The following EHD3 variants were observed in gnomAD, a reference collection of about 807,000 sequenced individuals.
The protein encoded by EHD3 is EH domain containing 3.
EHD3 carries 17 observed loss-of-function variants against 43.0 expected under a neutral mutation model. The observed-to-expected ratio is 0.40, with a 90% confidence interval of 0.27 to 0.59. The LOEUF is 0.59. EHD3 is among the 20% of genes least tolerant of loss of function. The pLI is 0.49. For missense variants in EHD3, 594 were observed against 705.6 expected (o/e 0.84, Z 1.79); for synonymous variants, 313 against 289.5 (o/e 1.08, Z -0.82).
chr2:31,268,797 G>A lies in EHD3; in HGVS notation c.*2093G>A, dbSNP rs1163366699. ...CTTTCTTCAAGCTGAAGGAGAAATG[G>A]GAAGGAAATAGCAGAGGTAGGTGAA... On this transcript the variant is annotated 3_prime_UTR_variant, in exon 6 of 6. Transcript: ENST00000322054. 1.3e-5 allele frequency: 2 copies of A among 152,214 alleles called. No individual in the cohort carries two copies. The highest frequency in any genetic ancestry group is 4.8e-5 in the African/African-American group (2 of 41,438). 9.4% of individuals were successfully genotyped at this position (152,214 alleles called of 1,614,324 possible).
chr2:31,258,378 G>T (rs950229732), intron 3 of EHD3, among the ~76,000 whole-genome samples: 5 of 152,124 alleles, frequency 3.3e-5, no homozygotes, highest in Non-Finnish European at 7.4e-5. Context: ...ACCCCACTGG[G>T]TGTTCACTAG....
intron 2 of EHD3, among the ~76,000 whole-genome samples, chr2:31,245,932 G>A (rs923816666): frequency 2.6e-5 from 4 of 151,892 alleles, no homozygotes; most frequent in African/African-American, 9.7e-5. Context: ...CTTTCTTGTA[G>A]TGGCATGGAG....
intron 5 of EHD3, 25 bp downstream of exon 5, chr2:31,261,738 A>G (rs1311506876): frequency 6.2e-6 from 10 of 1,611,598 alleles, no homozygotes; most frequent in Non-Finnish European, 7.6e-6. Flanking sequence ...GGTCTCTAAG[A>G]CAAGGGACAG....
chr2:31,261,845 G>C, intron 5 of EHD3, 132 bp downstream of exon 5: 14 of 963,996 alleles, frequency 1.5e-5, no homozygotes, highest in South Asian at 6.2e-5. Flanking sequence ...CAAGGAGGTG[G>C]CCCTGGATCT....
intron 3 of EHD3, among the ~76,000 whole-genome samples, chr2:31,259,017 G>T (rs1041994060): frequency 1.1e-4 from 16 of 152,220 alleles, no homozygotes; most frequent in South Asian, 1.0e-3. Context: ...CTGGTCTCTA[G>T]CCTCCCTCTG....
Position 31,264,697 on chromosome 2 carries a change from AT to A in EHD3, c.1081-1472del, listed in dbSNP as rs759592433. Among the ~76,000 whole-genome samples the A allele has an allele frequency of 2.6e-5, 4 of 151,014 alleles. No individual in the cohort carries two copies. The East Asian group carries it at 7.8e-4, about 29-fold the overall frequency. Reference sequence around the variant, plus strand: ...GGCATGTGCCACCATGCCCAGCTAAATTTTTTTTGTAATTTTAGTAGAGACG... The same window carrying A: ...GGCATGTGCCACCATGCCCAGCTAAATTTTTTTGTAATTTTAGTAGAGACG... On this transcript the variant is annotated intron_variant, in intron 5 of 5. Transcript: ENST00000322054.
chr2:31,237,386 T>C (rs1405974198), intron 1 of EHD3, among the ~76,000 whole-genome samples: 1 of 152,048 alleles, frequency 6.6e-6, no homozygotes, highest in Non-Finnish European at 1.5e-5. Flanking sequence ...TACATATAAT[T>C]TTGTATGCTG....
At position 31,244,436 on chromosome 2, in the gene EHD3, C is replaced by T. The variant is rs776949878; in HGVS notation, c.390C>T (p.Asn130=). Residue 130 remains asparagine, a synonymous_variant, in exon 2 of 6, where the codon AAC becomes AAT. Transcript: ENST00000322054. ...TCAGGAAACTCAACGCCTTTGGCAACGCCTTCTTGAACAGGTGAGTGTGGA... is the reference window on the plus strand; with the variant it reads ...TCAGGAAACTCAACGCCTTTGGCAATGCCTTCTTGAACAGGTGAGTGTGGA... ...KPFRKLNAFG[N]AFLNRFVCAQ... 20 of 1,613,846 alleles carry T rather than the reference C, an allele frequency of 1.2e-5. No individual in the cohort carries two copies. The highest frequency in any genetic ancestry group is 9.3e-5 in the African/African-American group (7 of 74,928).
chr2:31,242,724 C>A (rs1221533940), intron 1 of EHD3, among the ~76,000 whole-genome samples: 1 of 151,886 alleles, frequency 6.6e-6, no homozygotes, highest in African/African-American at 2.4e-5. Context: ...TGGGATAGGC[C>A]GAGGCAGGTG....
chr2:31,253,005 C>T (rs982012228), intron 3 of EHD3, among the ~76,000 whole-genome samples: 9 of 152,172 alleles, frequency 5.9e-5, no homozygotes, highest in Non-Finnish European at 1.3e-4. Flanking sequence ...CAGACACCCT[C>T]AGTTATCTGT....
chr2:31,237,031 C>A (rs2148714748), intron 1 of EHD3, among the ~76,000 whole-genome samples: 1 of 152,282 alleles, frequency 6.6e-6, no homozygotes, highest in South Asian at 2.1e-4. Flanking sequence ...AGTTCCCTCT[C>A]CCCACTCATG....
intron 2 of EHD3, 88 bp from the exon 3 acceptor site, chr2:31,249,283 T>G: frequency 8.1e-7 from 1 of 1,228,160 alleles, no homozygotes; most frequent in Non-Finnish European, 1.2e-6. Context: ...GCAGCTCACC[T>G]GAGAGAGACA....
intron 1 of EHD3, among the ~76,000 whole-genome samples, chr2:31,238,239 T>G (rs900702800): frequency 1.3e-5 from 2 of 152,208 alleles, no homozygotes; most frequent in Admixed American, 1.3e-4. Context: ...CTCCTCTCCC[T>G]TCTCCCATCC....
At chr2:31,263,463 A>AATGGGAGCACCC (rs1376903638) in intron 5 of EHD3, among the ~76,000 whole-genome samples, 1 of 152,178 alleles carries the variant, frequency 6.6e-6, no homozygotes, top group Non-Finnish European at 1.5e-5. Context: ...ATCGTAGGGT[A>AATGGGAGCACCC]ATGGGAGCAC....
At chr2:31,252,268 G>C (rs536508723) in intron 3 of EHD3, among the ~76,000 whole-genome samples, 23 of 152,298 alleles carry the variant, frequency 1.5e-4, no homozygotes, top group South Asian at 8.3e-4. Flanking sequence ...ATCACCATGA[G>C]CTACCTTCCT....
intron 2 of EHD3, among the ~76,000 whole-genome samples, chr2:31,248,034 T>C (rs1447604695): frequency 1.3e-5 from 2 of 152,186 alleles, no homozygotes; most frequent in Admixed American, 6.5e-5. Flanking sequence ...GGCATGTCCA[T>C]TGAAACGACA....
chr2:31,234,466 T>G lies in EHD3; in HGVS notation c.-156T>G. 1 of 791,354 alleles carries G rather than the reference T, an allele frequency of 1.3e-6. No homozygotes were observed. The highest frequency in any genetic ancestry group is 2.0e-6 in the Non-Finnish European group (1 of 506,904). 49.0% of individuals were successfully genotyped at this position (791,354 alleles called of 1,614,324 possible). On this transcript the variant is annotated 5_prime_UTR_variant, in exon 1 of 6. Transcript: ENST00000322054. ...AGCAGGGAGAGTGCGCTCCCGGCCCTCCTAGCCGCGTGCCCGGGCCATGGT... is the reference window on the plus strand; with the variant it reads ...AGCAGGGAGAGTGCGCTCCCGGCCCGCCTAGCCGCGTGCCCGGGCCATGGT...
At chr2:31,236,687 AG>A (rs1421308678) in intron 1 of EHD3, among the ~76,000 whole-genome samples, 1 of 152,224 alleles carries the variant, frequency 6.6e-6, no homozygotes, top group Non-Finnish European at 1.5e-5. Context: ...CATTATCTGT[AG>A]CTTCTCCTTC....
At chr2:31,250,491 C>T (rs538036496) in intron 3 of EHD3, among the ~76,000 whole-genome samples, 1 of 152,282 alleles carries the variant, frequency 6.6e-6, no homozygotes, top group East Asian at 1.9e-4. Flanking sequence ...TGGTCTCGAT[C>T]TCCTGACCTC....
Sources: allele counts gnomAD v4.1 joint callset (sites outside exome capture counted in the v4.1 genomes callset), GRCh38; gene constraint gnomAD v4.1.1; transcripts MANE v1.5; gene names NCBI Gene and HGNC (gene_info 2026-07-23, HGNC 2026-07-21).